PTCD1: variants seen among roughly 807,000 people sequenced by gnomAD.
PTCD1 encodes the protein pentatricopeptide repeat-containing protein 1, mitochondrial.
PTCD1 carries 50 observed loss-of-function variants against 53.4 expected under a neutral mutation model. The observed-to-expected ratio is 0.94, with a 90% CI of 0.75 to 1.19. The LOEUF is 1.19. PTCD1 is among the 50% of genes most tolerant of loss of function. The pLI, the probability that PTCD1 is intolerant of heterozygous loss-of-function variation, is 0.00. For missense variants in PTCD1, 918 were observed against 904.8 expected (o/e 1.01, Z -0.19); for synonymous variants, 413 against 394.8 (o/e 1.05, Z -0.55).
Position 99,417,973 on chromosome 7 carries a change from T to G in PTCD1, c.*1994A>C. 2 of 1,183,772 alleles carry G rather than the reference T, an allele frequency of 1.7e-6. No homozygotes were observed. Among genetic ancestry groups the G allele is most frequent in the Non-Finnish European group, 2.1e-6 (2 of 943,594 alleles). The allele number at this position is 1,183,772 out of a possible 1,614,324, so 73.3% of individuals were successfully genotyped here. On this transcript the variant is annotated 3_prime_UTR_variant, in exon 8 of 8. Transcript: ENST00000292478. ...TACTTTAACATTACCATCACTATCTTTCCCGCCCCCCCAAGACGGAGTCTT... is the reference window on the plus strand; with the variant it reads ...TACTTTAACATTACCATCACTATCTGTCCCGCCCCCCCAAGACGGAGTCTT...
chr7:99,419,793 C>T lies in PTCD1; in HGVS notation c.*174G>A. The T allele has an allele frequency of 9.0e-7, 1 of 1,107,732 alleles. No individual in the cohort carries two copies. Among genetic ancestry groups the T allele is most frequent in the East Asian group, 2.5e-5 (1 of 39,406 alleles). 68.6% of individuals were successfully genotyped at this position (1,107,732 alleles called of 1,614,324 possible). On this transcript the variant is annotated 3_prime_UTR_variant, in exon 8 of 8. Transcript: ENST00000292478. ...GTGGCTGGAGCTGCACTTGGACCTGCTGGGAGCACAGGCACCTTGGGCCTA... is the reference window on the plus strand; with the variant it reads ...GTGGCTGGAGCTGCACTTGGACCTGTTGGGAGCACAGGCACCTTGGGCCTA...
Position 99,425,466 on chromosome 7 carries a change from G to A in PTCD1, c.1066C>T (p.Pro356Ser). ...CTTGGCCGCTGCCTGCTCACTGGGG[G>A]CTGAAGCACAGTCGCCTCCTCCCTG... ...KPREEATVLQ[P>S]PVSRQRPRRT... The change falls in exon 6 of 8, where the codon CCC (proline) becomes TCC (serine). Residue 356 changes from proline (P) to serine (S), a missense_variant. Physicochemically the swap from Pro to Ser is moderately conservative, Grantham distance 74. Coordinates refer to ENST00000292478, the MANE Select transcript of PTCD1 (RefSeq NM_015545.4). 6.2e-7 allele frequency: 1 copy of A among 1,613,672 alleles called. No homozygotes were observed. Among genetic ancestry groups the A allele is most frequent in the Non-Finnish European group, 8.5e-7 (1 of 1,179,916 alleles).
chr7:99,437,209 C>T (rs1377972067), intron 1 of PTCD1, among the ~76,000 whole-genome samples: 16 of 152,106 alleles, frequency 1.1e-4, no homozygotes, highest in Admixed American at 9.8e-4. Context: ...AAACAAAAAG[C>T]AATGATATTG....
chr7:99,433,323 G>C lies in PTCD1; in HGVS notation c.549C>G (p.Cys183Trp). The change falls in exon 3 of 8, where the codon TGC becomes TGG. Residue 183 changes from cysteine (C) to tryptophan (W), a missense_variant. Transcript: ENST00000292478. ...ESNYTVLIGG[C>W]GRVGYLKKAF... Reference sequence around the variant, plus strand: ...CCTTCTTCAGGTAGCCAACCCGCCCGCAGCCCCCAATCAGCACCGTGTAGT... The same window carrying C: ...CCTTCTTCAGGTAGCCAACCCGCCCCCAGCCCCCAATCAGCACCGTGTAGT... The C allele has an allele frequency of 6.2e-7, 1 of 1,614,022 alleles. No individual in the cohort carries two copies. The highest frequency in any genetic ancestry group is 2.2e-5 in the East Asian group (1 of 44,890).
At chr7:99,426,159 TC>T in intron 5 of PTCD1, among the ~76,000 whole-genome samples, 2 of 75,744 alleles carry the variant, frequency 2.6e-5, no homozygotes, top group Non-Finnish European at 5.3e-5. Context: ...TCCCTCTCCC[TC>T]TCCCTCTCCC....
Position 99,418,109 on chromosome 7 carries a change from A to G in PTCD1, c.*1858T>C, listed in dbSNP as rs1433849080. On this transcript the variant is annotated 3_prime_UTR_variant, in exon 8 of 8. Coordinates refer to ENST00000292478, the MANE Select transcript of PTCD1 (RefSeq NM_015545.4). ...CATCCTCCTGAGTAGCTGGGACTAC[A>G]GGCATGCACCACCACGCCTGGCTAA... The G allele has an allele frequency of 4.6e-6, 2 of 432,344 alleles. No homozygotes were observed. Among genetic ancestry groups the G allele is most frequent in the Non-Finnish European group, 6.5e-6 (2 of 307,472 alleles). 26.8% of individuals were successfully genotyped at this position (432,344 alleles called of 1,614,324 possible). A position where few individuals can be genotyped will look rare whatever the true frequency, so the allele number is the denominator to read the frequency against.
At chr7:99,426,524 T>C (rs1796031178) in intron 5 of PTCD1, among the ~76,000 whole-genome samples, 1 of 152,184 alleles carries the variant, frequency 6.6e-6, no homozygotes, top group Admixed American at 6.5e-5. Context: ...TGCAGTGGCG[T>C]GATCTCGGCT....
chr7:99,417,622 T>G lies in PTCD1; in HGVS notation c.*2345A>C, dbSNP rs563171513. ...TAATGTCTGACACTCAAGCTTGGTG[T>G]TGTTTTCAGCTCAAAATTCTGCCTT... On this transcript the variant is annotated 3_prime_UTR_variant, in exon 8 of 8. Coordinates refer to ENST00000292478, the MANE Select transcript of PTCD1 (RefSeq NM_015545.4). 3.9e-5 allele frequency: 62 copies of G among 1,607,492 alleles called. No homozygotes were observed. The highest frequency in any genetic ancestry group is 1.6e-4 in the South Asian group (15 of 91,042).
At chr7:99,435,468 G>A (rs1196567534) in intron 1 of PTCD1, among the ~76,000 whole-genome samples, 200 bp from the exon 2 acceptor site, 1 of 151,238 alleles carries the variant, frequency 6.6e-6, no homozygotes, top group Non-Finnish European at 1.5e-5. Context: ...GTGAAACCCC[G>A]TCTCTATGAA....
rs754798738 is a variant in PTCD1 at position 99,434,909 on chromosome 7, G to C, written c.334C>G (p.Leu112Val). 2.5e-6 allele frequency: 4 copies of C among 1,614,242 alleles called. No individual in the cohort carries two copies. Among genetic ancestry groups the C allele is most frequent in the Non-Finnish European group, 2.5e-6 (3 of 1,180,054 alleles). Reference sequence around the variant, plus strand: ...TCATCTCTCCGTTCCCCAAACCGCAGGTTATGGAACTGGGCTGCGGATTTG... The same window carrying C: ...TCATCTCTCCGTTCCCCAAACCGCACGTTATGGAACTGGGCTGCGGATTTG... ...FRKSAAQFHN[L>V]RFGERRDEQM... is the part of the protein sequence containing the mutation. The change falls in exon 2 of 8, where the codon CTG becomes GTG. Residue 112 changes from leucine (L) to valine (V), a missense_variant. Physicochemically the swap from Leu to Val is conservative, Grantham distance 32 (BLOSUM62 1). Coordinates refer to ENST00000292478, the MANE Select transcript of PTCD1 (RefSeq NM_015545.4).
intron 7 of PTCD1, among the ~76,000 whole-genome samples, chr7:99,421,856 C>T (rs887917285): frequency 1.3e-5 from 2 of 152,264 alleles, no homozygotes; most frequent in East Asian, 3.9e-4. Context: ...AAACTAACCC[C>T]GCACAAAGTC....
At position 99,434,783 on chromosome 7, in the gene PTCD1, C is replaced by A; in HGVS notation, c.453+7G>T. The A allele has an allele frequency of 6.2e-7, 1 of 1,613,776 alleles. No individual in the cohort carries two copies. ...CCAGGAGCCACAGAACCCAAAGTGC[C>A]CCTTACCTTCCCTTCCTTGATCAGG... On this transcript the variant is annotated splice_region_variant and intron_variant, in intron 2 of 7. Coordinates refer to ENST00000292478, the MANE Select transcript of PTCD1 (RefSeq NM_015545.4).
intron 5 of PTCD1, among the ~76,000 whole-genome samples, chr7:99,427,150 G>T (rs1438060164): frequency 2.1e-5 from 3 of 142,186 alleles, no homozygotes; most frequent in Non-Finnish European, 4.6e-5. Flanking sequence ...CCCCCCACCC[G>T]GCCAGCCGCC....
At position 99,423,950 on chromosome 7, in the gene PTCD1, T is replaced by G. The variant is rs772006873; in HGVS notation, c.1745A>C (p.Gln582Pro). The change falls in exon 7 of 8, where the codon CAG (glutamine) becomes CCG (proline). Residue 582 changes from glutamine (Q) to proline (P), a missense_variant. Gln to Pro is a moderately conservative substitution (Grantham distance 76). Coordinates refer to ENST00000292478, the MANE Select transcript of PTCD1 (RefSeq NM_015545.4). The stretch of plus-strand genomic sequence containing the variant: ...GTAGATGTGAGTGTTGGGGGTCACC[T>G]GGGACTTCTAGAACACAGGGACATC... ...LQLLTDMKKSQVTPNTHIYSA... is the reference protein window; with the variant it reads ...LQLLTDMKKSPVTPNTHIYSA... The G allele has an allele frequency of 1.7e-5, 28 of 1,613,992 alleles. No homozygotes were observed. The East Asian group carries it at 6.0e-4, about 35-fold the overall frequency.
intron 4 of PTCD1, 97 bp from the exon 5 acceptor site, chr7:99,429,301 G>A: frequency 3.4e-6 from 5 of 1,477,834 alleles, no homozygotes; most frequent in Non-Finnish European, 4.7e-6. Context: ...GGCCAAGGCA[G>A]GATGATCACT....
intron 7 of PTCD1, among the ~76,000 whole-genome samples, chr7:99,421,429 TA>T (rs555898363): frequency 0.15 from 18,632 of 122,066 alleles, 2,049 homozygotes; most frequent in East Asian, 0.34. Flanking sequence ...CCCGTCTCTT[TA>T]AAAAAAAAAA....
At position 99,420,168 on chromosome 7, in the gene PTCD1, G is replaced by C. The variant is rs750350507; in HGVS notation, c.1921-19C>G. On this transcript the variant is annotated intron_variant, in intron 7 of 7. Coordinates refer to ENST00000292478, the MANE Select transcript of PTCD1 (RefSeq NM_015545.4). ...CTTGGTACTAGAATTAGAAAAGTGA[G>C]GCTAGAATCACTCCTGTTACCTACA... 6.2e-7 allele frequency: 1 copy of C among 1,613,938 alleles called. No homozygotes were observed.
rs1218892749 is a variant in PTCD1 at position 99,438,712 on chromosome 7, C to A, written c.-47G>T. 19 of 1,293,656 alleles carry A rather than the reference C, an allele frequency of 1.5e-5. No individual in the cohort carries two copies. In the Admixed American group the frequency reaches 4.5e-4, roughly 30 times the overall value. 80.1% of individuals were successfully genotyped at this position (1,293,656 alleles called of 1,614,324 possible). A position where few individuals can be genotyped will look rare whatever the true frequency, so the allele number is the denominator to read the frequency against. On this transcript the variant is annotated 5_prime_UTR_variant, in exon 1 of 8. Transcript: ENST00000292478. ...CTCACTTGAAGTGTCCGGCGCAGTGCACTCCGACGGGGAGCCCTGCCCGGT... is the reference window on the plus strand; with the variant it reads ...CTCACTTGAAGTGTCCGGCGCAGTGAACTCCGACGGGGAGCCCTGCCCGGT...
At position 99,429,725 on chromosome 7, in the gene PTCD1, A is replaced by G; in HGVS notation, c.676T>C (p.Ser226Pro). ...AGCTTCAGGGCGCTCTGTAGAGCTGAGTCCTTCCAGGGGGACTCGGCACAG... is the reference window on the plus strand; with the variant it reads ...AGCTTCAGGGCGCTCTGTAGAGCTGGGTCCTTCCAGGGGGACTCGGCACAG... ...NVCAESPWKD[S>P]ALQSALKLRQ... The change falls in exon 4 of 8, where the codon TCA (serine) becomes CCA (proline). Residue 226 changes from serine (S) to proline (P), a missense_variant. Physicochemically the swap from Ser to Pro is moderately conservative, Grantham distance 74. Coordinates refer to ENST00000292478, the MANE Select transcript of PTCD1 (RefSeq NM_015545.4). The G allele has an allele frequency of 6.2e-7, 1 of 1,614,210 alleles. No individual in the cohort carries two copies. The highest frequency in any genetic ancestry group is 8.5e-7 in the Non-Finnish European group (1 of 1,180,026).
Sources: allele counts gnomAD v4.1 joint callset (sites outside exome capture counted in the v4.1 genomes callset), GRCh38; gene constraint gnomAD v4.1.1; transcripts MANE v1.5; gene names NCBI Gene and HGNC (gene_info 2026-07-23, HGNC 2026-07-21).